The following BCAS3 variants were observed in gnomAD, a reference collection of about 807,000 sequenced individuals.
BCAS3 encodes the protein BCAS4/BCAS3 fusion.
In BCAS3, 53 loss-of-function variants were observed where a neutral mutation model predicts 116.1. The observed-to-expected ratio is 0.46, with a 90% CI of 0.37 to 0.57. BCAS3 has a LOEUF of 0.57. Among genes scored for constraint, BCAS3 ranks in the 20% least tolerant of loss-of-function variants. The probability of loss-of-function intolerance (pLI) is 0.00; values close to 1 mark genes in which losing one functional copy is unlikely to be tolerated. For missense variants in BCAS3, 917 were observed against 1,165.4 expected, an observed-to-expected ratio of 0.79 and a Z score of 3.10; for synonymous variants, 391 against 408.2, an observed-to-expected ratio of 0.96 and a Z score of 0.51.
At position 61,214,330 on chromosome 17, in the gene BCAS3, G is replaced by C. The variant is rs1175228833; in HGVS notation, c.2425+129766G>C. Among the ~76,000 whole-genome samples the C allele has an allele frequency of 6.6e-6, 1 of 151,888 alleles. No homozygotes were observed. Among genetic ancestry groups the C allele is most frequent in the Non-Finnish European group, 1.5e-5 (1 of 67,990 alleles). ...TGCGGTGAGCTGAGATCATGCCATT[G>C]CACTCCAGCCTCGGCCACAGAGCAA... On this transcript the variant is annotated intron_variant, in intron 22 of 23. Coordinates refer to ENST00000407086, the MANE Select transcript of BCAS3 (RefSeq NM_017679.5). The surrounding 1 kb of genome is among the most constrained non-coding windows in gnomAD (Gnocchi z 4.4).
intron 22 of BCAS3, among the ~76,000 whole-genome samples, chr17:61,102,090 C>T (rs1412550698): frequency 6.6e-6 from 1 of 152,048 alleles, no homozygotes; most frequent in Admixed American, 6.6e-5. Context: ...CTCCTGAATG[C>T]AATACTATTA....
At chr17:61,369,652 G>C (rs771328829) in intron 23 of BCAS3, among the ~76,000 whole-genome samples, 1 of 152,204 alleles carries the variant, frequency 6.6e-6, no homozygotes, top group Non-Finnish European at 1.5e-5. Flanking sequence ...AGCACTAGCT[G>C]TGTGGCCTGC....
In BCAS3 at chr17:61,281,482, G is replaced by C. The variant is rs555922568; in HGVS notation, c.2426-86845G>C. Among the ~76,000 whole-genome samples, 12 of 152,032 alleles carry C rather than the reference G, an allele frequency of 7.9e-5. No individual in the cohort carries two copies. The highest frequency in any genetic ancestry group is 2.9e-4 in the African/African-American group (12 of 41,390). Reference sequence around the variant, plus strand: ...GGTATGAGAGTACTTATTTCTCTACGCCTTGCCAGTACAGTGTGTTATCAG... The same window carrying C: ...GGTATGAGAGTACTTATTTCTCTACCCCTTGCCAGTACAGTGTGTTATCAG... On this transcript the variant is annotated intron_variant, in intron 22 of 23. Transcript: ENST00000407086. The surrounding 1 kb of genome is among the most constrained non-coding windows in gnomAD (Gnocchi z 4.2).
At chr17:60,987,576 T>A (rs1488006367) in intron 14 of BCAS3, among the ~76,000 whole-genome samples, 1 of 151,878 alleles carries the variant, frequency 6.6e-6, no homozygotes. Flanking sequence ...TAATCGCTAG[T>A]TATTTATTTG....
rs753234826 is a variant in BCAS3, at chr17:60,956,195, A to G, written c.1221+8843A>G. Among the ~76,000 whole-genome samples the G allele has an allele frequency of 9.2e-5, 14 of 152,174 alleles. No homozygotes were observed. Among genetic ancestry groups the G allele is most frequent in the Non-Finnish European group, 1.8e-4 (12 of 68,032 alleles). Reference sequence around the variant, plus strand: ...TATTATAGTGCACAAAATGTCCCACATTTGGCCAGTGGGAGCCCAATAACT... The same window carrying G: ...TATTATAGTGCACAAAATGTCCCACGTTTGGCCAGTGGGAGCCCAATAACT... On this transcript the variant is annotated intron_variant, in intron 14 of 23. Coordinates refer to ENST00000407086, the MANE Select transcript of BCAS3 (RefSeq NM_017679.5). This position sits in a 1 kb window ranked among gnomAD's most constrained non-coding sequence, Gnocchi z 4.2.
chr17:60,815,124 A>T (rs1174984368), intron 7 of BCAS3, among the ~76,000 whole-genome samples: 4 of 152,218 alleles, frequency 2.6e-5, no homozygotes, highest in Admixed American at 2.6e-4. Context: ...ATAAAAAAGG[A>T]TGAGTTCATG....
intron 7 of BCAS3, among the ~76,000 whole-genome samples, chr17:60,848,350 A>T (rs1436230767): frequency 6.6e-6 from 1 of 152,206 alleles, no homozygotes; most frequent in South Asian, 2.1e-4. Flanking sequence ...ATTTCGAAAG[A>T]TATTGTATTG....
intron 5 of BCAS3, among the ~76,000 whole-genome samples, chr17:60,727,751 A>G (rs2040041383): frequency 3.3e-5 from 5 of 151,084 alleles, no homozygotes; most frequent in Admixed American, 6.6e-5. Flanking sequence ...TTGATATATT[A>G]TTGTTACCCA....
At chr17:61,264,565 G>T (rs569035237) in intron 22 of BCAS3, among the ~76,000 whole-genome samples, 1 of 151,942 alleles carries the variant, frequency 6.6e-6, no homozygotes, top group Non-Finnish European at 1.5e-5. Flanking sequence ...GTGCCACCGC[G>T]TCCAGCTAAT....
At position 61,196,382 on chromosome 17, in the gene BCAS3, T is replaced by C. The variant is rs1304551596; in HGVS notation, c.2425+111818T>C. ...TAGCGTGCTAACTCTATCAGGGTCA[T>C]TTCCAGTCTGTGGCCGCTAAAAATG... On this transcript the variant is annotated intron_variant, in intron 22 of 23. Coordinates refer to ENST00000407086, the MANE Select transcript of BCAS3 (RefSeq NM_017679.5). The surrounding 1 kb of genome is among the most constrained non-coding windows in gnomAD (Gnocchi z 4.7). 6.6e-6 allele frequency among the ~76,000 whole-genome samples: 1 copy of C among 152,224 alleles called. No homozygotes were observed. The highest frequency in any genetic ancestry group is 2.4e-5 in the African/African-American group (1 of 41,454).
chr17:60,750,813 T>A (rs982326844), intron 6 of BCAS3, among the ~76,000 whole-genome samples: 6 of 152,206 alleles, frequency 3.9e-5, no homozygotes, highest in Non-Finnish European at 5.9e-5. Context: ...TTTTGTTATT[T>A]CCTCTTCTAG....
At chr17:60,744,159 G>C (rs924740951) in intron 5 of BCAS3, among the ~76,000 whole-genome samples, 14 of 152,144 alleles carry the variant, frequency 9.2e-5, no homozygotes, top group Non-Finnish European at 1.6e-4. Flanking sequence ...CAGGAAGTTG[G>C]AATACTGCTT....
At chr17:60,714,008 A>G (rs1472055621) in intron 5 of BCAS3, among the ~76,000 whole-genome samples, 1 of 151,390 alleles carries the variant, frequency 6.6e-6, no homozygotes, top group Admixed American at 6.6e-5. Flanking sequence ...TAATTTTTGT[A>G]TTTTTTTTAG....
intron 14 of BCAS3, among the ~76,000 whole-genome samples, chr17:60,985,970 C>G (rs2145417085): frequency 6.6e-6 from 1 of 152,346 alleles, no homozygotes; most frequent in East Asian, 1.9e-4. Context: ...CTCCTGACCT[C>G]AAGTGATCTG....
chr17:61,010,683 T>C (rs2065053090), intron 15 of BCAS3, among the ~76,000 whole-genome samples: 1 of 152,076 alleles, frequency 6.6e-6, no homozygotes, highest in Non-Finnish European at 1.5e-5. Flanking sequence ...TTAAAAATTC[T>C]GATTTTTAAA....
At position 61,017,461 on chromosome 17, in the gene BCAS3, G is replaced by A. The variant is rs1034839114; in HGVS notation, c.1637+1560G>A. On this transcript the variant is annotated intron_variant, in intron 16 of 23. Coordinates refer to ENST00000407086, the MANE Select transcript of BCAS3 (RefSeq NM_017679.5). The surrounding 1 kb of genome is among the most constrained non-coding windows in gnomAD (Gnocchi z 4.7). The stretch of plus-strand genomic sequence containing the variant: ...TCTAAGTGAAACCATCCTCAAAATT[G>A]TTTCTCTGTAATTTAATTTTATATT... Among the ~76,000 whole-genome samples the A allele has an allele frequency of 6.6e-6, 1 of 152,024 alleles. No homozygotes were observed. The highest frequency in any genetic ancestry group is 1.5e-5 in the Non-Finnish European group (1 of 67,984).
At chr17:61,353,497 TC>T (rs2057976586) in intron 22 of BCAS3, 1 of 152,272 alleles carries the variant, frequency 6.6e-6, no homozygotes, top group African/African-American at 2.4e-5. Flanking sequence ...GGTTCTCCAG[TC>T]TAAGTTCTGC....
intron 5 of BCAS3, among the ~76,000 whole-genome samples, chr17:60,716,781 A>T (rs2038663704): frequency 6.6e-6 from 1 of 152,172 alleles, no homozygotes; most frequent in South Asian, 2.1e-4. Flanking sequence ...AGAGATCAAT[A>T]AAAGTAAGGC....
At chr17:60,965,431 A>G (rs1362804148) in intron 14 of BCAS3, among the ~76,000 whole-genome samples, 1 of 152,054 alleles carries the variant, frequency 6.6e-6, no homozygotes, top group African/African-American at 2.4e-5. Flanking sequence ...CATGTTGGCC[A>G]GGCTGGTCTT....
Sources: allele counts gnomAD v4.1 joint callset (sites outside exome capture counted in the v4.1 genomes callset), GRCh38; gene constraint gnomAD v4.1.1; non-coding constraint Gnocchi (gnomAD v3.1); transcripts MANE v1.5; gene names NCBI Gene and HGNC (gene_info 2026-07-23, HGNC 2026-07-21).